Variants in SYT16 observed in about 807,000 individuals in gnomAD.
SYT16 encodes synaptotagmin 16, also known as synaptotagmin-16.
In SYT16, 42 loss-of-function variants were observed where a neutral mutation model predicts 61.4. The observed-to-expected ratio is 0.68, with a 90% confidence interval of 0.53 to 0.89. The LOEUF is 0.89. SYT16 is among the 40% of genes least tolerant of loss of function. The pLI is 0.00. For synonymous variants in SYT16, 314 were observed against 302.3 expected, an observed-to-expected ratio of 1.04 and a Z score of -0.40; for missense variants, 804 against 807.3, an observed-to-expected ratio of 1.00 and a Z score of 0.05.
At chr14:61,816,867 C>T (rs553208232) in intron 1 of SYT16, among the ~76,000 whole-genome samples, 5 of 151,802 alleles carry the variant, frequency 3.3e-5, no homozygotes, top group African/African-American at 7.2e-5. Flanking sequence ...AAAAATTAGC[C>T]GGGCGTGGTG....
chr14:62,017,877 C>G (rs2053754191), intron 3 of SYT16, among the ~76,000 whole-genome samples: 1 of 152,048 alleles, frequency 6.6e-6, no homozygotes, highest in South Asian at 2.1e-4. Flanking sequence ...TGACACCTGG[C>G]TAATTTTTTT....
chr14:61,948,743 C>T (rs1374486383), intron 1 of SYT16, among the ~76,000 whole-genome samples: 1 of 152,132 alleles, frequency 6.6e-6, no homozygotes, highest in Non-Finnish European at 1.5e-5. Flanking sequence ...AAAGTGGGAA[C>T]AGTACCAAGC....
intron 2 of SYT16, among the ~76,000 whole-genome samples, chr14:61,973,557 A>T (rs1161662467): frequency 6.6e-6 from 1 of 152,198 alleles, no homozygotes; most frequent in East Asian, 1.9e-4. Flanking sequence ...AATTGATTAA[A>T]AATAAAAATT....
chr14:61,939,144 C>CA (rs1033117283), intron 1 of SYT16, among the ~76,000 whole-genome samples: 3 of 152,080 alleles, frequency 2.0e-5, no homozygotes, highest in African/African-American at 7.2e-5. Context: ...CAAATAAAAA[C>CA]AAAAACAAAA....
chr14:62,105,872 C>T lies in SYT16; in HGVS notation c.*5165C>T, dbSNP rs891426610. 1.3e-5 allele frequency: 2 copies of T among 152,152 alleles called. No individual in the cohort carries two copies. Among genetic ancestry groups the T allele is most frequent in the African/African-American group, 4.8e-5 (2 of 41,418 alleles). 9.4% of individuals were successfully genotyped at this position (152,152 alleles called of 1,614,324 possible). On this transcript the variant is annotated 3_prime_UTR_variant, in exon 8 of 8. Transcript: ENST00000683842. ...AAATTGCCAAAGCACTGTTTTGAGT[C>T]CTCGGTATCCCAATTAAGGAGAAAC...
chr14:61,953,733 T>G (rs1389920703), intron 1 of SYT16, among the ~76,000 whole-genome samples: 4 of 152,172 alleles, frequency 2.6e-5, no homozygotes, highest in African/African-American at 9.6e-5. Flanking sequence ...ATCCTGGGAC[T>G]GAAGGAGTCT....
intron 2 of SYT16, among the ~76,000 whole-genome samples, chr14:61,977,731 A>T (rs553796751): frequency 6.6e-6 from 1 of 152,214 alleles, no homozygotes; most frequent in South Asian, 2.1e-4. Context: ...TCCCAACTTA[A>T]TCCACTACTT....
At chr14:62,037,756 G>C (rs2054567293) in intron 3 of SYT16, among the ~76,000 whole-genome samples, 1 of 152,050 alleles carries the variant, frequency 6.6e-6, no homozygotes, top group Non-Finnish European at 1.5e-5. Flanking sequence ...TAGTCCCAAG[G>C]GTTCCAACAA....
At position 61,868,530 on chromosome 14, in the gene SYT16, A is replaced by T. The variant is rs573695094; in HGVS notation, c.-325+55720A>T. 7.2e-5 allele frequency among the ~76,000 whole-genome samples: 11 copies of T among 152,046 alleles called. No individual in the cohort carries two copies. In the South Asian group the frequency reaches 1.9e-3, roughly 26 times the overall value. On this transcript the variant is annotated intron_variant, in intron 1 of 7. Transcript: ENST00000683842. ...TCTTCATTTTTATTCATTTCAAAAA[A>T]TTTTTAAATTTCCCTTTTGACTTCT...
intron 1 of SYT16, among the ~76,000 whole-genome samples, chr14:61,840,387 G>A (rs72716770): frequency 0.078 from 11,896 of 152,160 alleles, 535 homozygotes; most frequent in Non-Finnish European, 0.1. Context: ...ATCACCCAGG[G>A]AGAGTGAGTA....
chr14:61,980,617 C>G (rs1401607521), intron 2 of SYT16, among the ~76,000 whole-genome samples: 1 of 152,088 alleles, frequency 6.6e-6, no homozygotes, highest in East Asian at 1.9e-4. Flanking sequence ...CGTTGTGAAG[C>G]TATGTCATGC....
rs200423089 is a variant in SYT16 at position 62,069,798 on chromosome 14, A to G, written c.719A>G (p.Glu240Gly). The G allele has an allele frequency of 9.2e-5, 149 of 1,613,796 alleles. No individual in the cohort carries two copies. The highest frequency in any genetic ancestry group is 1.3e-4 in the Non-Finnish European group (149 of 1,179,900). ...TTGACACACGGAGAAGATGGCACAG[A>G]AGTATCTGCCTGCGAAGGTATCCTT... ...SLLTHGEDGT[E>G]VSACEDLDGA... The change falls in exon 4 of 8, where the codon GAA (glutamate) becomes GGA (glycine). Residue 240 changes from glutamate to glycine, a missense_variant. Physicochemically the swap from Glu to Gly is moderately conservative, Grantham distance 98 (BLOSUM62 -2). Coordinates refer to ENST00000683842, the MANE Select transcript of SYT16 (RefSeq NM_001367656.1).
At chr14:62,051,056 C>T (rs1286359126) in intron 3 of SYT16, among the ~76,000 whole-genome samples, 1 of 152,264 alleles carries the variant, frequency 6.6e-6, no homozygotes, top group Admixed American at 6.5e-5. Flanking sequence ...TTGGCTATGC[C>T]TTGCCCCCAG....
chr14:61,979,733 T>C (rs1156377491), intron 2 of SYT16, among the ~76,000 whole-genome samples: 1 of 152,014 alleles, frequency 6.6e-6, no homozygotes, highest in African/African-American at 2.4e-5. Flanking sequence ...AATACAAAAA[T>C]TAGCTGGACG....
chr14:62,053,956 C>A (rs1308244389), intron 3 of SYT16, among the ~76,000 whole-genome samples: 1 of 152,048 alleles, frequency 6.6e-6, no homozygotes, highest in Non-Finnish European at 1.5e-5. Flanking sequence ...AACCATTTTA[C>A]CAGTGGAAAA....
chr14:61,874,557 G>A (rs757363686), intron 1 of SYT16, among the ~76,000 whole-genome samples: 5 of 152,210 alleles, frequency 3.3e-5, no homozygotes, highest in South Asian at 2.1e-4. Context: ...GTCATCACAC[G>A]TTTGTGCCCA....
chr14:62,098,826 A>C (rs543286044), intron 7 of SYT16, among the ~76,000 whole-genome samples: 4 of 152,298 alleles, frequency 2.6e-5, no homozygotes, highest in Admixed American at 2.0e-4. Context: ...AGTGGAGACT[A>C]TAAGAGGGTT....
chr14:61,834,428 CTTTTTT>C lies in SYT16; in HGVS notation c.-325+21637_-325+21642del, dbSNP rs35260303. Among the ~76,000 whole-genome samples the C allele has an allele frequency of 7.8e-5, 6 of 76,852 alleles. No individual in the cohort carries two copies. The East Asian group carries it at 1.0e-3, about 13-fold the overall frequency. The allele number at this position is 76,852 out of a possible 152,430, so 50.4% of individuals were successfully genotyped here. A position where few individuals can be genotyped will look rare whatever the true frequency, so the allele number is the denominator to read the frequency against. On this transcript the variant is annotated intron_variant, in intron 1 of 7. Coordinates refer to ENST00000683842, the MANE Select transcript of SYT16 (RefSeq NM_001367656.1). ...TACAGGCATGAGCCACCGTGCCTGG[CTTTTTT>C]TTTTTTTTTTTTTTTTTTGAGACAG... is the stretch of plus-strand genomic sequence containing the variant.
intron 3 of SYT16, among the ~76,000 whole-genome samples, chr14:62,002,159 A>G (rs924114124): frequency 1.3e-5 from 2 of 152,080 alleles, no homozygotes; most frequent in African/African-American, 4.8e-5. Flanking sequence ...AGAACATTAT[A>G]TGTAGGGAAA....
Sources: allele counts gnomAD v4.1 joint callset (sites outside exome capture counted in the v4.1 genomes callset), GRCh38; gene constraint gnomAD v4.1.1; transcripts MANE v1.5; gene names NCBI Gene and HGNC (gene_info 2026-07-23, HGNC 2026-07-21).